The following LGSN variants were observed in gnomAD, a reference collection of about 807,000 sequenced individuals.
LGSN encodes lengsin, lens protein with glutamine synthetase domain.
In LGSN, 21 loss-of-function variants were observed where a neutral mutation model predicts 19.5. The ratio of observed to expected loss-of-function variants is 1.07; its 90% CI spans 0.76 to 1.55. The LOEUF (loss-of-function observed/expected upper bound fraction) is 1.55, where lower values mean the gene tolerates loss of function less well. Among genes scored for constraint, LGSN ranks in the 40% most tolerant of loss-of-function variants. LGSN has a pLI of 0.00. For synonymous variants in LGSN, 257 were observed against 215.6 expected (o/e 1.19, Z -1.68); for missense variants, 673 against 608.5 (o/e 1.11, Z -1.12).
At chr6:63,376,447 G>T in the LGSN span, among the ~76,000 whole-genome samples, 1 of 152,264 alleles carries the variant, frequency 6.6e-6, no homozygotes, top group Admixed American at 6.5e-5. Flanking sequence ...GGTAAAGATT[G>T]CCTTGATGAA....
chr6:63,469,552 T>C, the LGSN span, among the ~76,000 whole-genome samples: 1 of 152,214 alleles, frequency 6.6e-6, no homozygotes, highest in Admixed American at 6.5e-5. Context: ...TATGACTTAA[T>C]TATAGTGATA....
chr6:63,479,355 A>G, the LGSN span, among the ~76,000 whole-genome samples: 6 of 152,262 alleles, frequency 3.9e-5, no homozygotes, highest in African/African-American at 1.2e-4. Context: ...ATATCTAGTA[A>G]AGTAGACAAA....
chr6:63,413,143 TA>T, the LGSN span, among the ~76,000 whole-genome samples: 2,471 of 152,202 alleles, frequency 0.016, 71 homozygotes, highest in African/African-American at 0.056. Context: ...CTCATATTAA[TA>T]AAATGTAAAG....
At chr6:63,466,919 A>G in the LGSN span, among the ~76,000 whole-genome samples, 3 of 152,206 alleles carry the variant, frequency 2.0e-5, no homozygotes, top group African/African-American at 7.2e-5. Context: ...GGTTTCATAT[A>G]TACATACAAA....
At chr6:63,496,360 C>T in the LGSN span, among the ~76,000 whole-genome samples, 1 of 152,158 alleles carries the variant, frequency 6.6e-6, no homozygotes, top group African/African-American at 2.4e-5. Flanking sequence ...TTTGCCATAG[C>T]CACTAGGACA....
the LGSN span, among the ~76,000 whole-genome samples, chr6:63,485,768 G>A: frequency 1.1e-4 from 16 of 152,110 alleles, no homozygotes; most frequent in East Asian, 1.4e-3. Context: ...TCACTCTGTC[G>A]CCTAGGCTGG....
At chr6:63,352,882 C>A in the LGSN span, among the ~76,000 whole-genome samples, 2 of 151,710 alleles carry the variant, frequency 1.3e-5, no homozygotes, top group Non-Finnish European at 2.9e-5. Context: ...CACAATATGA[C>A]CTCAATTACT....
At chr6:63,380,483 G>A in the LGSN span, among the ~76,000 whole-genome samples, 2 of 152,166 alleles carry the variant, frequency 1.3e-5, no homozygotes, top group Admixed American at 1.3e-4. Flanking sequence ...TTGGTAGACA[G>A]CGTCATAAGC....
At chr6:63,293,719 G>A (rs753295411) in intron 2 of LGSN, 50 of 456,470 alleles carry the variant, frequency 1.1e-4, no homozygotes, top group African/African-American at 7.6e-4. Flanking sequence ...GTTCTGGGGG[G>A]CAAAGGTTTT....
the LGSN span, among the ~76,000 whole-genome samples, chr6:63,358,692 G>A: frequency 6.6e-6 from 1 of 152,198 alleles, no homozygotes; most frequent in Non-Finnish European, 1.5e-5. Context: ...TGTATGCTGA[G>A]ACTTTGCTGA....
the LGSN span, among the ~76,000 whole-genome samples, chr6:63,336,541 G>A: frequency 1.6e-4 from 23 of 144,966 alleles, no homozygotes; most frequent in African/African-American, 5.7e-4. Context: ...GTGTGTGTGT[G>A]TGTGTGTGTG....
chr6:63,557,384 G>A, the LGSN span, among the ~76,000 whole-genome samples: 1 of 152,066 alleles, frequency 6.6e-6, no homozygotes, highest in Non-Finnish European at 1.5e-5. Context: ...TGGCCAACAT[G>A]GTGAAACCCT....
At chr6:63,383,275 T>C in the LGSN span, among the ~76,000 whole-genome samples, 1 of 151,984 alleles carries the variant, frequency 6.6e-6, no homozygotes, top group Non-Finnish European at 1.5e-5. Context: ...GAGTGGATTT[T>C]TTTTTTAAAA....
At chr6:63,518,390 A>G in the LGSN span, among the ~76,000 whole-genome samples, 1 of 152,158 alleles carries the variant, frequency 6.6e-6, no homozygotes, top group Non-Finnish European at 1.5e-5. Context: ...GCAAGAATAA[A>G]TTTTATAATT....
At chr6:63,439,529 A>T in the LGSN span, among the ~76,000 whole-genome samples, 35 of 152,038 alleles carry the variant, frequency 2.3e-4, no homozygotes, top group African/African-American at 7.5e-4. Context: ...AAAAAAAAAA[A>T]ATTTTTTTAA....
the LGSN span, among the ~76,000 whole-genome samples, chr6:63,329,641 AT>A: frequency 1.3e-4 from 20 of 152,268 alleles, no homozygotes; most frequent in African/African-American, 4.3e-4. Context: ...CTGGGCGGGC[AT>A]TTTTTGCCTT....
chr6:63,432,239 A>G, the LGSN span, among the ~76,000 whole-genome samples: 1 of 151,088 alleles, frequency 6.6e-6, no homozygotes, highest in Non-Finnish European at 1.5e-5. Context: ...GCATTAATGT[A>G]GCACACAGAA....
At chr6:63,399,096 C>T in the LGSN span, among the ~76,000 whole-genome samples, 3 of 151,874 alleles carry the variant, frequency 2.0e-5, no homozygotes, top group Non-Finnish European at 4.4e-5. Flanking sequence ...CATGAGTTAT[C>T]GCACGTGGCC....
At chr6:63,495,190 T>C in the LGSN span, among the ~76,000 whole-genome samples, 2 of 152,166 alleles carry the variant, frequency 1.3e-5, no homozygotes, top group African/African-American at 4.8e-5. Context: ...TTTATGTTTA[T>C]TGAGCACTTA....
Sources: allele counts gnomAD v4.1 joint callset (sites outside exome capture counted in the v4.1 genomes callset), GRCh38; gene constraint gnomAD v4.1.1; transcripts MANE v1.5; gene names NCBI Gene and HGNC (gene_info 2026-07-23, HGNC 2026-07-21).